Variants in SIK3 observed in about 807,000 individuals in gnomAD.
The protein encoded by SIK3 is SIK family kinase 3, also known as serine/threonine-protein kinase SIK3.
SIK3 carries 28 observed loss-of-function variants against 144.2 expected under a neutral mutation model. The ratio of observed to expected loss-of-function variants is 0.19; its 90% CI spans 0.14 to 0.27. The LOEUF is 0.27. SIK3 is among the 10% of genes least tolerant of loss of function. The pLI, the probability that SIK3 is intolerant of heterozygous loss-of-function variation, is 1.00. For missense variants in SIK3, 1,319 were observed against 1,776.0 expected, an observed-to-expected ratio of 0.74 and a Z score of 4.62; for synonymous variants, 686 against 676.3, an observed-to-expected ratio of 1.01 and a Z score of -0.22.
At chr11:117,028,959 G>A (rs1952139915) in intron 1 of SIK3, among the ~76,000 whole-genome samples, 2 of 90,184 alleles carry the variant, frequency 2.2e-5, no homozygotes, top group Non-Finnish European at 4.2e-5. Flanking sequence ...ATCTTGCTTT[G>A]TCACAGTGGT....
At chr11:116,871,987 G>A (rs1424660113) in intron 13 of SIK3, among the ~76,000 whole-genome samples, 1 of 152,124 alleles carries the variant, frequency 6.6e-6, no homozygotes, top group Non-Finnish European at 1.5e-5. Flanking sequence ...GAATCAGAGA[G>A]TAACTGAAAT....
At chr11:117,039,272 GA>G (rs1303809649) in intron 1 of SIK3, among the ~76,000 whole-genome samples, 1 of 152,114 alleles carries the variant, frequency 6.6e-6, no homozygotes. Flanking sequence ...GCTCAACAAT[GA>G]AAAAATATAT....
intron 4 of SIK3, among the ~76,000 whole-genome samples, chr11:116,922,231 G>A (rs998053723): frequency 3.3e-5 from 5 of 152,142 alleles, no homozygotes; most frequent in Non-Finnish European, 2.9e-5. Flanking sequence ...GGCCAGGCAC[G>A]GTGGCTCATG....
At chr11:116,879,053 C>T (rs2134593334) in intron 6 of SIK3, among the ~76,000 whole-genome samples, 1 of 152,300 alleles carries the variant, frequency 6.6e-6, no homozygotes, top group Admixed American at 6.5e-5. Context: ...CTGTTGTACC[C>T]AGTATCAACT....
intron 1 of SIK3, among the ~76,000 whole-genome samples, chr11:116,984,715 C>T (rs1950267911): frequency 6.6e-6 from 1 of 152,064 alleles, no homozygotes; most frequent in Non-Finnish European, 1.5e-5. Flanking sequence ...ACCACAGACA[C>T]CCCAAGACAG....
intron 1 of SIK3, among the ~76,000 whole-genome samples, chr11:117,008,857 G>T (rs930924727): frequency 6.6e-6 from 1 of 152,112 alleles, no homozygotes; most frequent in African/African-American, 2.4e-5. Flanking sequence ...TCTACCAAAA[G>T]TACAGAAACT....
At chr11:116,896,142 A>T in intron 6 of SIK3, 111 bp downstream of exon 6, 1 of 1,436,546 alleles carries the variant, frequency 7.0e-7, no homozygotes, top group South Asian at 1.3e-5. Context: ...AGCTGGAGTT[A>T]AAAAAGGTTG....
chr11:116,928,555 G>C (rs1947412722), intron 3 of SIK3, among the ~76,000 whole-genome samples: 1 of 152,160 alleles, frequency 6.6e-6, no homozygotes, highest in Admixed American at 6.5e-5. Context: ...GACCAGTCAG[G>C]TGTATCTTTC....
intron 1 of SIK3, among the ~76,000 whole-genome samples, chr11:117,065,665 G>GTGA: frequency 6.7e-6 from 1 of 148,992 alleles, no homozygotes; most frequent in African/African-American, 2.5e-5. Context: ...TTGACACAGA[G>GTGA]TCTCACACTG....
chr11:116,902,174 T>C (rs750503375), intron 4 of SIK3, among the ~76,000 whole-genome samples: 21 of 152,204 alleles, frequency 1.4e-4, no homozygotes, highest in Non-Finnish European at 2.2e-4. Flanking sequence ...AGAAGAATCA[T>C]GGAGTTTTTT....
At chr11:117,090,390 A>G (rs1955191380) in intron 1 of SIK3, among the ~76,000 whole-genome samples, 1 of 152,112 alleles carries the variant, frequency 6.6e-6, no homozygotes, top group African/African-American at 2.4e-5. Flanking sequence ...GATAATGAAA[A>G]AAAAAAAAAA....
At chr11:116,918,504 A>G (rs2135042116) in intron 4 of SIK3, among the ~76,000 whole-genome samples, 1 of 152,232 alleles carries the variant, frequency 6.6e-6, no homozygotes, top group South Asian at 2.1e-4. Flanking sequence ...TATCCCCAAA[A>G]TAAGTGACGT....
intron 1 of SIK3, among the ~76,000 whole-genome samples, chr11:117,003,006 C>T (rs1950909300): frequency 6.6e-6 from 1 of 152,196 alleles, no homozygotes; most frequent in African/African-American, 2.4e-5. Context: ...CAGTGTTCTG[C>T]CTTAAGCATA....
intron 1 of SIK3, among the ~76,000 whole-genome samples, chr11:116,966,874 G>A (rs910481302): frequency 2.0e-5 from 3 of 151,588 alleles, no homozygotes; most frequent in Non-Finnish European, 2.9e-5. Context: ...GCATGGTGGC[G>A]TGGGCCTGTA....
chr11:116,855,099 A>C (rs983527882), intron 21 of SIK3, among the ~76,000 whole-genome samples: 1 of 146,498 alleles, frequency 6.8e-6, no homozygotes, highest in Non-Finnish European at 1.5e-5. Flanking sequence ...AAAAAAAAAA[A>C]AAAAAAAAAA....
At chr11:116,893,098 G>A (rs1945214384) in intron 6 of SIK3, among the ~76,000 whole-genome samples, 1 of 152,192 alleles carries the variant, frequency 6.6e-6, no homozygotes, top group East Asian at 1.9e-4. Context: ...TTTGGGGGCA[G>A]TGAAACAATT....
intron 1 of SIK3, among the ~76,000 whole-genome samples, chr11:116,965,753 A>C (rs1949510929): frequency 6.7e-5 from 3 of 45,028 alleles, no homozygotes; most frequent in African/African-American, 2.1e-4. Context: ...ATATATATAT[A>C]TATATATATA....
At chr11:116,983,614 C>T (rs1950225848) in intron 1 of SIK3, among the ~76,000 whole-genome samples, 1 of 152,130 alleles carries the variant, frequency 6.6e-6, no homozygotes, top group Admixed American at 6.5e-5. Flanking sequence ...AATGAAAATG[C>T]TCTGGAAAAT....
At chr11:117,092,768 T>C (rs184226520) in intron 1 of SIK3, among the ~76,000 whole-genome samples, 53 of 152,330 alleles carry the variant, frequency 3.5e-4, no homozygotes, top group South Asian at 1.5e-3. Flanking sequence ...CATTTCTTTT[T>C]CTTTTCAAAG....
Sources: allele counts gnomAD v4.1 joint callset (sites outside exome capture counted in the v4.1 genomes callset), GRCh38; gene constraint gnomAD v4.1.1; transcripts MANE v1.5; gene names NCBI Gene and HGNC (gene_info 2026-07-23, HGNC 2026-07-21).